Variants in SETD5 observed in about 807,000 individuals in gnomAD.
SETD5 encodes histone-lysine N-methyltransferase SETD5.
In SETD5, 44 loss-of-function variants were observed where a neutral mutation model predicts 153.3. That is an observed-to-expected ratio of 0.29 (90% CI 0.23 to 0.37). SETD5 has a LOEUF of 0.37. Ranked by LOEUF, SETD5 falls within the 10% of genes least tolerant of loss-of-function variation. SETD5 has a pLI of 1.00. For synonymous variants in SETD5, 716 were observed against 645.2 expected, an observed-to-expected ratio of 1.11 and a Z score of -1.66; for missense variants, 1,544 against 1,768.0, an observed-to-expected ratio of 0.87 and a Z score of 2.27.
At chr3:9,405,732 T>A (rs998534858) in intron 1 of SETD5, among the ~76,000 whole-genome samples, 1 of 152,230 alleles carries the variant, frequency 6.6e-6, no homozygotes, top group Non-Finnish European at 1.5e-5. Context: ...ACTGTTGATA[T>A]GTTAATTTTA....
intron 16 of SETD5, among the ~76,000 whole-genome samples, chr3:9,452,139 G>T (rs1454748034): frequency 2.0e-5 from 3 of 152,200 alleles, no homozygotes; most frequent in East Asian, 1.9e-4. Context: ...GAATACTCCT[G>T]TTCTGATTTT....
intron 20 of SETD5, among the ~76,000 whole-genome samples, chr3:9,473,996 G>A (rs1270625834): frequency 1.3e-5 from 2 of 152,166 alleles, no homozygotes; most frequent in Non-Finnish European, 1.5e-5. Context: ...AATAATACTG[G>A]TGGCAAATAC....
intron 17 of SETD5, among the ~76,000 whole-genome samples, chr3:9,457,491 AAT>A (rs902928838): frequency 6.6e-6 from 1 of 151,000 alleles, no homozygotes; most frequent in Non-Finnish European, 1.5e-5. Context: ...TGTCTCAAAA[AAT>A]ATATATATAT....
intron 1 of SETD5, among the ~76,000 whole-genome samples, chr3:9,399,679 C>G (rs1575123378): frequency 6.6e-6 from 1 of 152,288 alleles, no homozygotes. Context: ...AATCTTCACT[C>G]CTAAACTGCT....
At chr3:9,431,833 C>G (rs1292962831) in intron 3 of SETD5, 1 of 579,528 alleles carries the variant, frequency 1.7e-6, no homozygotes, top group Non-Finnish European at 2.2e-6. Flanking sequence ...GTCCCCCTCC[C>G]ACCAAAAAAA....
At chr3:9,425,622 C>G (rs1244902185) in intron 2 of SETD5, among the ~76,000 whole-genome samples, 1 of 142,018 alleles carries the variant, frequency 7.0e-6, no homozygotes, top group African/African-American at 2.7e-5. Context: ...TTTGCTCAGG[C>G]TGGAGTGCAG....
At chr3:9,455,399 C>G (rs1303044137) in intron 17 of SETD5, among the ~76,000 whole-genome samples, 3 of 151,722 alleles carry the variant, frequency 2.0e-5, no homozygotes, top group African/African-American at 4.8e-5. Context: ...AGCCACCATG[C>G]CTGGCTGTGA....
rs139194222 is a variant in SETD5 at position 9,430,959 on chromosome 3, C to T, written c.71+1950C>T. ...CTAGCTACATAGTTATGCATTTCTG[C>T]AAAGGGAAAGAATGTCAGTAACTAG... On this transcript the variant is annotated intron_variant, in intron 3 of 22. Coordinates refer to ENST00000402198, the MANE Select transcript of SETD5 (RefSeq NM_001080517.3). 1.5e-4 allele frequency: 152 copies of T among 985,358 alleles called. No homozygotes were observed. The South Asian group carries it at 5.4e-3, about 35-fold the overall frequency. The allele number at this position is 985,358 out of a possible 1,614,324, so 61.0% of individuals were successfully genotyped here. A position where few individuals can be genotyped will look rare whatever the true frequency, so the allele number is the denominator to read the frequency against.
In SETD5 at chr3:9,434,955, C is replaced by A. The variant is rs1023836351; in HGVS notation, c.388+73C>A. The A allele has an allele frequency of 2.0e-6, 3 of 1,534,966 alleles. No individual in the cohort carries two copies. Among genetic ancestry groups the A allele is most frequent in the African/African-American group, 2.7e-5 (2 of 73,200 alleles). ...GTGATCTGAATGTTCATTTTAAGAA[C>A]CCCTCTTGGCCAGGCGCAGTGGCTT... On this transcript the variant is annotated intron_variant, in intron 6 of 22. Transcript: ENST00000402198. This position sits in a 1 kb window ranked among gnomAD's most constrained non-coding sequence, Gnocchi z 5.6.
intron 1 of SETD5, among the ~76,000 whole-genome samples, chr3:9,410,769 A>G (rs527375941): frequency 6.6e-6 from 1 of 152,050 alleles, no homozygotes; most frequent in South Asian, 2.1e-4. Context: ...ATATTTTTAC[A>G]CTGTAGAAGA....
chr3:9,411,283 A>T (rs1043292702), intron 1 of SETD5, among the ~76,000 whole-genome samples: 6 of 152,184 alleles, frequency 3.9e-5, no homozygotes, highest in African/African-American at 1.4e-4. Context: ...CCTGAAATGT[A>T]TGTTATTTAG....
At chr3:9,443,941 A>G (rs758491300) in intron 11 of SETD5, among the ~76,000 whole-genome samples, 34 of 152,238 alleles carry the variant, frequency 2.2e-4, no homozygotes, top group Admixed American at 7.2e-4. Flanking sequence ...ACACGCCTGT[A>G]GTCCCAGCCA....
At chr3:9,469,797 G>C (rs1402055493) in intron 18 of SETD5, among the ~76,000 whole-genome samples, 1 of 152,180 alleles carries the variant, frequency 6.6e-6, no homozygotes, top group African/African-American at 2.4e-5. Context: ...ATGAGCATTA[G>C]TGGTCTTGTG....
intron 20 of SETD5, among the ~76,000 whole-genome samples, chr3:9,474,206 G>A (rs1196002844): frequency 1.3e-5 from 2 of 152,206 alleles, no homozygotes; most frequent in African/African-American, 4.8e-5. Flanking sequence ...TGGGGGTTAA[G>A]GGAAGTTAAC....
chr3:9,443,172 A>G (rs574562990), intron 10 of SETD5, 136 bp from the exon 11 acceptor site: 62 of 667,538 alleles, frequency 9.3e-5, no homozygotes, highest in African/African-American at 9.0e-4. Flanking sequence ...AAGGGGTTAA[A>G]TAACAGATTA....
At chr3:9,468,271 AC>A (rs1240621288) in intron 18 of SETD5, among the ~76,000 whole-genome samples, 2 of 152,112 alleles carry the variant, frequency 1.3e-5, no homozygotes, top group African/African-American at 4.8e-5. Context: ...ATGTTTACTT[AC>A]AGCATGAAAC....
chr3:9,445,962 G>GTTT lies in SETD5; in HGVS notation c.1524+224_1524+225insTTT, dbSNP rs1432231015. ...TATTATCTAGTGATGGTTTGAAGAG[G>GTTT]TTGTTTTTTTTTTTTTTTTTTTTTT... On this transcript the variant is annotated intron_variant, in intron 13 of 22. Coordinates refer to ENST00000402198, the MANE Select transcript of SETD5 (RefSeq NM_001080517.3). Among the ~76,000 whole-genome samples the GTTT allele has an allele frequency of 3.4e-4, 41 of 120,224 alleles. 3 individuals carry two copies. The highest frequency in any genetic ancestry group is 1.2e-3 in the South Asian group (5 of 4,084). 78.9% of individuals were successfully genotyped at this position (120,224 alleles called of 152,430 possible). A position where few individuals can be genotyped will look rare whatever the true frequency, so the allele number is the denominator to read the frequency against.
intron 2 of SETD5, among the ~76,000 whole-genome samples, chr3:9,426,725 A>G (rs2039309894): frequency 6.6e-6 from 1 of 151,794 alleles, no homozygotes; most frequent in Non-Finnish European, 1.5e-5. Context: ...TTTAGTAGAG[A>G]CAGGATCTCG....
At chr3:9,446,587 G>A (rs1042881314) in intron 13 of SETD5, among the ~76,000 whole-genome samples, 6 of 151,888 alleles carry the variant, frequency 4.0e-5, no homozygotes, top group African/African-American at 1.4e-4. Context: ...CTGCCTCCCG[G>A]GTTCAAGCAA....
Sources: gnomAD v4.1 joint callset for allele counts (sites outside exome capture counted in the v4.1 genomes callset) on GRCh38, gnomAD v4.1.1 for gene constraint, Gnocchi (gnomAD v3.1) non-coding constraint, MANE v1.5 for transcripts, NCBI Gene and HGNC (gene_info 2026-07-23, HGNC 2026-07-21) for gene names.